Variants in PKHD1L1 observed in about 807,000 individuals in gnomAD.
PKHD1L1 encodes PKHD1 like 1.
Under a neutral mutation model 462.9 loss-of-function variants are expected in PKHD1L1, and 434 were observed. The ratio of observed to expected loss-of-function variants is 0.94; its 90% CI spans 0.87 to 1.02. The LOEUF is 1.02. Among genes scored for constraint, PKHD1L1 ranks in the 50% least tolerant of loss-of-function variants. PKHD1L1 has a pLI of 0.00. For synonymous variants in PKHD1L1, 1,781 were observed against 1,750.0 expected, an observed-to-expected ratio of 1.02 and a Z score of -0.44; for missense variants, 5,202 against 5,096.1, an observed-to-expected ratio of 1.02 and a Z score of -0.63.
intron 58 of PKHD1L1, 48 bp downstream of exon 58, chr8:109,485,221 AT>A: frequency 1.4e-6 from 2 of 1,388,948 alleles, no homozygotes; most frequent in Non-Finnish European, 1.9e-6. Flanking sequence ...GTGTTGAAAG[AT>A]TCACATTTAC....
At position 109,459,845 on chromosome 8, in the gene PKHD1L1, A is replaced by G. The variant is rs774323204; in HGVS notation, c.7246+9A>G. On this transcript the variant is annotated intron_variant, in intron 47 of 77. Transcript: ENST00000378402. ...TGATGGATTTGACACAGGTAATTTT[A>G]GCAGCTCTCGTGGTTGGTATAATCA... 9 of 1,605,966 alleles carry G rather than the reference A, an allele frequency of 5.6e-6. No homozygotes were observed. The South Asian group carries it at 1.0e-4, about 18-fold the overall frequency.
At chr8:109,480,633 T>A (rs1818230688) in intron 55 of PKHD1L1, 1 of 455,180 alleles carries the variant, frequency 2.2e-6, no homozygotes, top group Admixed American at 2.4e-5. Context: ...GTCTTGAACC[T>A]GTACCAGCTT....
At chr8:109,434,762 C>A (rs1815304432) in intron 28 of PKHD1L1, among the ~76,000 whole-genome samples, 1 of 152,280 alleles carries the variant, frequency 6.6e-6, no homozygotes, top group East Asian at 1.9e-4. Context: ...AGCCACCGCG[C>A]CTGCCCTTCA....
At chr8:109,389,336 T>C (rs1328791549) in intron 8 of PKHD1L1, among the ~76,000 whole-genome samples, 184 bp downstream of exon 8, 1 of 152,164 alleles carries the variant, frequency 6.6e-6, no homozygotes, top group East Asian at 1.9e-4. Flanking sequence ...GAATCAGTAT[T>C]TTCTTATGGT....
In PKHD1L1 at chr8:109,447,125, A is replaced by G. The variant is rs10088052; in HGVS notation, c.5777-1018A>G. On this transcript the variant is annotated intron_variant, in intron 38 of 77. Transcript: ENST00000378402. Reference sequence around the variant, plus strand: ...GTAGTCCCAGCTACTTGGGAGGCTGAGGCAGGAGAATCGCTTGAATCCACG... The same window carrying G: ...GTAGTCCCAGCTACTTGGGAGGCTGGGGCAGGAGAATCGCTTGAATCCACG... Among the ~76,000 whole-genome samples the G allele has an allele frequency of 8.4e-3, 1,277 of 152,264 alleles. 14 individuals are homozygous for G. The highest frequency in any genetic ancestry group is 0.029 in the African/African-American group (1,212 of 41,546).
At chr8:109,407,950 A>G (rs117982659) in intron 17 of PKHD1L1, 99 bp from the exon 18 acceptor site, 8,266 of 776,578 alleles carry the variant, frequency 0.011, 60 homozygotes, top group Middle Eastern at 0.021. Context: ...CAATTTGGCT[A>G]CATTTGAGTG....
chr8:109,515,219 A>G lies in PKHD1L1; in HGVS notation c.11603A>G (p.Tyr3868Cys). Reference sequence around the variant, plus strand: ...TCCACACTTCAACGTTTGGATGTCTATGTGAACAACTTATTGGTCTGTCCA... The same window carrying G: ...TCCACACTTCAACGTTTGGATGTCTGTGTGAACAACTTATTGGTCTGTCCA... ...FFSTLQRLDVYVNNLLVCPKT... is the reference protein window; with the variant it reads ...FFSTLQRLDVCVNNLLVCPKT... Residue 3868 changes from tyrosine to cysteine, a missense_variant, in exon 72 of 78, where the codon TAT (tyrosine) becomes TGT (cysteine). By Grantham distance (194) the Tyr-to-Cys change is radical. This residue lies in a region of PKHD1L1 where 698 missense variants were observed against 736.3 expected (regional missense o/e 0.95). Transcript: ENST00000378402. 6.2e-7 allele frequency: 1 copy of G among 1,604,962 alleles called. No homozygotes were observed. Among genetic ancestry groups the G allele is most frequent in the Non-Finnish European group, 8.5e-7 (1 of 1,174,438 alleles).
At chr8:109,477,790 T>C (rs182120782) in intron 53 of PKHD1L1, among the ~76,000 whole-genome samples, 74 of 152,314 alleles carry the variant, frequency 4.9e-4, no homozygotes, top group Admixed American at 4.4e-3. Context: ...CAATGCTTTC[T>C]TAGCAGGTGC....
intron 62 of PKHD1L1, among the ~76,000 whole-genome samples, chr8:109,493,096 T>C (rs1424919950): frequency 6.6e-6 from 1 of 150,862 alleles, no homozygotes; most frequent in Non-Finnish European, 1.5e-5. Flanking sequence ...ACTTGGGAGG[T>C]TGAGTTAAGA....
rs764987282 is a variant in PKHD1L1, at chr8:109,532,385, T to G, written c.*2295T>G. On this transcript the variant is annotated 3_prime_UTR_variant, in exon 78 of 78. Transcript: ENST00000378402. ...ACTACTTTTAAAAATGCTTGAATTATTGGAATCCATGGGCAATACATCTTC... is the reference window on the plus strand; with the variant it reads ...ACTACTTTTAAAAATGCTTGAATTAGTGGAATCCATGGGCAATACATCTTC... 5.3e-5 allele frequency among the ~76,000 whole-genome samples: 8 copies of G among 152,218 alleles called. No individual in the cohort carries two copies. The highest frequency in any genetic ancestry group is 1.0e-4 in the Non-Finnish European group (7 of 68,030).
In PKHD1L1 at chr8:109,518,421, A is replaced by G. The variant is rs746842818; in HGVS notation, c.11944A>G (p.Ser3982Gly). 1.2e-6 allele frequency: 2 copies of G among 1,612,666 alleles called. No individual in the cohort carries two copies. The highest frequency in any genetic ancestry group is 1.7e-6 in the Non-Finnish European group (2 of 1,179,592). ...KIRISKIRGKSLRRKRSMGFI... is the reference protein window; with the variant it reads ...KIRISKIRGKGLRRKRSMGFI... ...CCGTATCAGCAAAATAAGAGGGAAG[A>G]GTCTGAGGAGGAAGAGATCCATGGG... Residue 3982 changes from serine to glycine, a missense_variant, in exon 73 of 78, where the codon AGT becomes GGT. Transcript: ENST00000378402.
chr8:109,440,337 C>T (rs542236771), intron 32 of PKHD1L1, among the ~76,000 whole-genome samples: 5 of 152,092 alleles, frequency 3.3e-5, no homozygotes, highest in African/African-American at 4.8e-5. Context: ...GATTTAATTG[C>T]TAGTTTTAAA....
intron 13 of PKHD1L1, among the ~76,000 whole-genome samples, chr8:109,400,806 A>G (rs1813233810): frequency 6.6e-6 from 1 of 152,112 alleles, no homozygotes; most frequent in African/African-American, 2.4e-5. Context: ...ATGACCACAA[A>G]TAATACTCTA....
At chr8:109,400,389 G>T (rs1271044162) in intron 13 of PKHD1L1, 45 bp downstream of exon 13, 1 of 1,546,618 alleles carries the variant, frequency 6.5e-7, no homozygotes, top group Non-Finnish European at 8.8e-7. Flanking sequence ...AAAACATTAT[G>T]GTGATATTTA....
At chr8:109,497,298 T>C (rs373729743) in intron 65 of PKHD1L1, 26 bp downstream of exon 65, 1 of 1,601,294 alleles carries the variant, frequency 6.2e-7, no homozygotes, top group Non-Finnish European at 8.5e-7. Context: ...AGCCACACCA[T>C]GGAGAAAAAA....
chr8:109,502,934 C>T (rs576486649), intron 67 of PKHD1L1, among the ~76,000 whole-genome samples: 1 of 152,294 alleles, frequency 6.6e-6, no homozygotes, highest in South Asian at 2.1e-4. Flanking sequence ...TTAGGCATAG[C>T]TACTTGTGGT....
Position 109,530,435 on chromosome 8 carries a change from A to T in PKHD1L1, c.*345A>T, listed in dbSNP as rs73314998. On this transcript the variant is annotated 3_prime_UTR_variant, in exon 78 of 78. Coordinates refer to ENST00000378402, the MANE Select transcript of PKHD1L1 (RefSeq NM_177531.6). ...AGTTCCGACTTAAGCTCTTTACATCAGATTGGAAGCATTTTAAGTATTCTT... is the reference window on the plus strand; with the variant it reads ...AGTTCCGACTTAAGCTCTTTACATCTGATTGGAAGCATTTTAAGTATTCTT... The T allele has an allele frequency of 0.026, 4,257 of 161,620 alleles. 142 individuals carry two copies. Among genetic ancestry groups the T allele is most frequent in the African/African-American group, 0.079 (3,280 of 41,708 alleles). The allele number at this position is 161,620 out of a possible 1,614,324, so 10.0% of individuals were successfully genotyped here.
At chr8:109,487,909 G>GAAGGAAGGAAGA (rs1344588722) in intron 59 of PKHD1L1, among the ~76,000 whole-genome samples, 3 of 145,940 alleles carry the variant, frequency 2.1e-5, no homozygotes, top group Non-Finnish European at 4.6e-5. Context: ...AGGAAGGAAG[G>GAAGGAAGGAAGA]AAGGAAGGAA....
chr8:109,420,602 G>C lies in PKHD1L1; in HGVS notation c.2609G>C (p.Gly870Ala). ...CAGGTGAATCAGACCAAAACAAATG[G>C]GCCAACTATGACAAACCAATATTCT... ...HFQVNQTKTNGPTMTNQYSVT... is the reference protein window; with the variant it reads ...HFQVNQTKTNAPTMTNQYSVT... The change falls in exon 23 of 78, where the codon GGG (glycine) becomes GCG (alanine). Residue 870 changes from glycine (G) to alanine (A), a missense_variant. By Grantham distance (60) the Gly-to-Ala change is moderately conservative. Transcript: ENST00000378402. 1 of 1,609,410 alleles carries C rather than the reference G, an allele frequency of 6.2e-7. No individual in the cohort carries two copies. Among genetic ancestry groups the C allele is most frequent in the Non-Finnish European group, 8.5e-7 (1 of 1,177,568 alleles).
Sources: allele counts gnomAD v4.1 joint callset (sites outside exome capture counted in the v4.1 genomes callset), GRCh38; gene constraint gnomAD v4.1.1; regional missense constraint gnomAD v4.1.1; transcripts MANE v1.5; gene names NCBI Gene and HGNC (gene_info 2026-07-23, HGNC 2026-07-21).